The following DACH1 variants were observed in gnomAD, a reference collection of about 807,000 sequenced individuals.
The protein encoded by DACH1 is dachshund family transcription factor 1.
DACH1 carries 12 observed loss-of-function variants against 54.2 expected under a neutral mutation model. That is an observed-to-expected ratio of 0.22 (90% CI 0.14 to 0.36). DACH1 has a LOEUF of 0.36. Among genes scored for constraint, DACH1 ranks in the 10% least tolerant of loss-of-function variants. The pLI is 1.00. For missense variants in DACH1, 805 were observed against 929.8 expected (o/e 0.87, Z 1.75); for synonymous variants, 386 against 366.2 (o/e 1.05, Z -0.62).
chr13:71,651,163 A>T (rs1042443422), intron 2 of DACH1, among the ~76,000 whole-genome samples: 1 of 152,130 alleles, frequency 6.6e-6, no homozygotes, highest in East Asian at 1.9e-4. Flanking sequence ...TGGCTGCTCA[A>T]ATATTTGTTG....
chr13:71,652,181 A>C (rs186078889), intron 2 of DACH1, among the ~76,000 whole-genome samples: 2 of 152,338 alleles, frequency 1.3e-5, no homozygotes, highest in East Asian at 3.9e-4. Flanking sequence ...CGAATGGAAC[A>C]GTGAGGCTGC....
chr13:71,769,214 A>G (rs192455194), intron 1 of DACH1, among the ~76,000 whole-genome samples: 3 of 151,814 alleles, frequency 2.0e-5, no homozygotes, highest in Admixed American at 6.6e-5. Context: ...TGTACCACAT[A>G]CTCTTCATAT....
intron 3 of DACH1, among the ~76,000 whole-genome samples, chr13:71,627,971 C>G (rs1282896247): frequency 6.6e-6 from 1 of 152,014 alleles, no homozygotes; most frequent in Non-Finnish European, 1.5e-5. Flanking sequence ...AATCTACCAA[C>G]CTTACTGATG....
chr13:71,746,815 T>C (rs370667434), intron 1 of DACH1, among the ~76,000 whole-genome samples: 1 of 152,218 alleles, frequency 6.6e-6, no homozygotes, highest in East Asian at 1.9e-4. Flanking sequence ...CTTCACTAAG[T>C]ATAAGTCAAA....
chr13:71,847,171 A>G (rs979810640), intron 1 of DACH1, among the ~76,000 whole-genome samples: 1 of 152,166 alleles, frequency 6.6e-6, no homozygotes, highest in African/African-American at 2.4e-5. Flanking sequence ...GCATCCAGGA[A>G]TTAGACATCT....
At chr13:71,627,633 G>A (rs985041613) in intron 3 of DACH1, among the ~76,000 whole-genome samples, 4 of 151,958 alleles carry the variant, frequency 2.6e-5, no homozygotes, top group African/African-American at 7.3e-5. Context: ...CATGGTAATC[G>A]GTTCTCCTGG....
chr13:71,787,602 A>G (rs549552199), intron 1 of DACH1, among the ~76,000 whole-genome samples: 49 of 152,290 alleles, frequency 3.2e-4, no homozygotes, highest in African/African-American at 9.6e-4. Flanking sequence ...TCCCGAGGAC[A>G]GTAATCAGTC....
At chr13:71,848,257 C>G (rs958929687) in intron 1 of DACH1, among the ~76,000 whole-genome samples, 3 of 152,038 alleles carry the variant, frequency 2.0e-5, no homozygotes, top group African/African-American at 7.2e-5. Flanking sequence ...CTATGTTTGT[C>G]TTATCTTGCT....
chr13:71,508,904 G>A (rs1479072546), intron 6 of DACH1, among the ~76,000 whole-genome samples: 1 of 152,098 alleles, frequency 6.6e-6, no homozygotes, highest in African/African-American at 2.4e-5. Flanking sequence ...ATTCCTCGCA[G>A]TGATACCACC....
chr13:71,627,327 C>T (rs538396562), intron 3 of DACH1, among the ~76,000 whole-genome samples: 7 of 141,982 alleles, frequency 4.9e-5, no homozygotes, highest in Admixed American at 1.4e-4. Context: ...AAAAAAACAA[C>T]GCTCTTACAA....
chr13:71,450,057 C>T (rs1238879596), intron 10 of DACH1, among the ~76,000 whole-genome samples: 2 of 151,470 alleles, frequency 1.3e-5, no homozygotes, highest in African/African-American at 4.9e-5. Context: ...TACCCTAAAA[C>T]AAGAAAAAAT....
At chr13:71,861,778 G>A (rs1399988880) in intron 1 of DACH1, among the ~76,000 whole-genome samples, 1 of 151,748 alleles carries the variant, frequency 6.6e-6, no homozygotes, top group African/African-American at 2.4e-5. Context: ...TCTGTTAGAA[G>A]TGAATCTATA....
At chr13:71,459,865 G>T (rs367667455) in intron 10 of DACH1, among the ~76,000 whole-genome samples, 3 of 151,920 alleles carry the variant, frequency 2.0e-5, no homozygotes, top group Admixed American at 1.3e-4. Context: ...ATAAAAGTCT[G>T]CAGATTTGTA....
intron 2 of DACH1, among the ~76,000 whole-genome samples, chr13:71,648,511 C>CT (rs1296889428): frequency 6.6e-6 from 1 of 152,066 alleles, no homozygotes; most frequent in Non-Finnish European, 1.5e-5. Context: ...TAATGTCCAT[C>CT]TTTGATACCA....
chr13:71,590,867 C>CTCTCTT (rs1200701665), intron 3 of DACH1, among the ~76,000 whole-genome samples: 1 of 141,740 alleles, frequency 7.1e-6, no homozygotes, highest in Non-Finnish European at 1.5e-5. Flanking sequence ...GTCTCTGTCT[C>CTCTCTT]TCTCTTTCTT....
chr13:71,697,359 C>T (rs114127660), intron 1 of DACH1, among the ~76,000 whole-genome samples: 2,805 of 152,208 alleles, frequency 0.018, 59 homozygotes, highest in East Asian at 0.054. Context: ...GATGGTACTC[C>T]GACTTGTCAG....
chr13:71,556,625 G>A (rs1380517575), intron 6 of DACH1, among the ~76,000 whole-genome samples: 1 of 152,014 alleles, frequency 6.6e-6, no homozygotes, highest in Non-Finnish European at 1.5e-5. Flanking sequence ...TTATTGGTCT[G>A]TAAACTGTTT....
intron 1 of DACH1, among the ~76,000 whole-genome samples, chr13:71,817,275 G>C (rs1455778630): frequency 1.3e-5 from 2 of 152,292 alleles, no homozygotes; most frequent in African/African-American, 2.4e-5. Flanking sequence ...CCAAGTCATA[G>C]AGTTGTGGAT....
chr13:71,807,569 T>C (rs1204568635), intron 1 of DACH1, among the ~76,000 whole-genome samples: 1 of 152,148 alleles, frequency 6.6e-6, no homozygotes, highest in Non-Finnish European at 1.5e-5. Flanking sequence ...TTTATTTTGC[T>C]TTAATTCCAA....
Sources: allele counts gnomAD v4.1 joint callset (sites outside exome capture counted in the v4.1 genomes callset), GRCh38; gene constraint gnomAD v4.1.1; transcripts MANE v1.5; gene names NCBI Gene and HGNC (gene_info 2026-07-23, HGNC 2026-07-21).